PTPRD: variants seen among roughly 807,000 people sequenced by gnomAD.
The protein encoded by PTPRD is protein tyrosine phosphatase receptor type D, also known as receptor-type tyrosine-protein phosphatase delta.
A neutral mutation model predicts 214.5 loss-of-function variants in PTPRD; 34 were observed. The observed-to-expected ratio is 0.16, with a 90% CI of 0.12 to 0.21. PTPRD has a LOEUF of 0.21. Ranked by LOEUF, PTPRD falls within the 10% of genes least tolerant of loss-of-function variation. PTPRD has a pLI of 1.00. For synonymous variants in PTPRD, 1,128 were observed against 845.7 expected (o/e 1.33, Z -5.79); for missense variants, 2,545 against 2,398.7 (o/e 1.06, Z -1.27).
intron 44 of PTPRD, among the ~76,000 whole-genome samples, chr9:8,324,621 T>A (rs1275305957): frequency 6.6e-6 from 1 of 152,184 alleles, no homozygotes; most frequent in African/African-American, 2.4e-5. Context: ...CACTCAGTAA[T>A]GGGATTGCTG....
chr9:9,867,132 G>A (rs928212948), intron 5 of PTPRD, among the ~76,000 whole-genome samples: 1 of 152,120 alleles, frequency 6.6e-6, no homozygotes, highest in Admixed American at 6.6e-5. Context: ...CGGAAAAGGA[G>A]TCAATATTAT....
intron 5 of PTPRD, among the ~76,000 whole-genome samples, chr9:9,925,351 G>T (rs1436811238): frequency 2.0e-5 from 3 of 152,030 alleles, no homozygotes; most frequent in Non-Finnish European, 1.5e-5. Flanking sequence ...TATAGTCAAA[G>T]TTGAGTTTTT....
At chr9:9,020,500 A>G (rs2099562830) in intron 10 of PTPRD, among the ~76,000 whole-genome samples, 1 of 152,186 alleles carries the variant, frequency 6.6e-6, no homozygotes, top group Admixed American at 6.6e-5. Flanking sequence ...TGGTTGAGGC[A>G]TTGAATGTGA....
At chr9:10,019,139 A>C (rs1224874409) in intron 4 of PTPRD, among the ~76,000 whole-genome samples, 1 of 152,190 alleles carries the variant, frequency 6.6e-6, no homozygotes, top group African/African-American at 2.4e-5. Context: ...CACTTCTCAA[A>C]AGAAGACATT....
chr9:9,191,654 G>C (rs1253680027), intron 9 of PTPRD, among the ~76,000 whole-genome samples: 3 of 152,042 alleles, frequency 2.0e-5, no homozygotes, highest in East Asian at 1.9e-4. Context: ...GAAGTTGAAA[G>C]CAATGCTGTA....
intron 7 of PTPRD, among the ~76,000 whole-genome samples, chr9:9,669,528 T>C (rs546986336): frequency 7.2e-5 from 11 of 152,278 alleles, no homozygotes; most frequent in African/African-American, 2.6e-4. Context: ...ATTTTGAAAA[T>C]TGATACTTCT....
intron 5 of PTPRD, among the ~76,000 whole-genome samples, chr9:9,811,527 G>T (rs1422304714): frequency 7.2e-5 from 11 of 152,060 alleles, no homozygotes; most frequent in South Asian, 6.2e-4. Context: ...CTGACACGGT[G>T]AAGCCCCATC....
intron 10 of PTPRD, among the ~76,000 whole-genome samples, chr9:9,101,429 T>A (rs1482553218): frequency 6.6e-6 from 1 of 152,178 alleles, no homozygotes; most frequent in African/African-American, 2.4e-5. Context: ...ACGATTAGCA[T>A]CCTCACCTCC....
intron 8 of PTPRD, among the ~76,000 whole-genome samples, chr9:9,454,948 C>G (rs945206805): frequency 1.3e-5 from 2 of 151,292 alleles, no homozygotes; most frequent in African/African-American, 4.8e-5. Flanking sequence ...AATCATGGCC[C>G]AAGTGAGAAA....
At chr9:10,552,228 C>T (rs1253063704) in intron 2 of PTPRD, among the ~76,000 whole-genome samples, 1 of 151,300 alleles carries the variant, frequency 6.6e-6, no homozygotes, top group African/African-American at 2.4e-5. Flanking sequence ...GGCCATTCGA[C>T]ACTAATAGAA....
chr9:8,331,318 T>C (rs867559718), intron 44 of PTPRD, among the ~76,000 whole-genome samples: 9 of 152,154 alleles, frequency 5.9e-5, no homozygotes, highest in African/African-American at 1.7e-4. Context: ...CAATTCCCAT[T>C]AAGGTAAAAT....
intron 4 of PTPRD, among the ~76,000 whole-genome samples, chr9:9,955,845 T>A (rs1272453393): frequency 6.6e-6 from 1 of 152,144 alleles, no homozygotes; most frequent in Non-Finnish European, 1.5e-5. Flanking sequence ...AAGAAAATAA[T>A]CATACTGCTT....
At chr9:8,607,568 G>A (rs761291481) in intron 14 of PTPRD, among the ~76,000 whole-genome samples, 10 of 152,114 alleles carry the variant, frequency 6.6e-5, no homozygotes, top group African/African-American at 2.2e-4. Flanking sequence ...GCTTGAGCCC[G>A]GGAGGGAGAA....
intron 39 of PTPRD, among the ~76,000 whole-genome samples, chr9:8,370,518 A>C (rs940090058): frequency 1.3e-5 from 2 of 152,256 alleles, no homozygotes; most frequent in South Asian, 2.1e-4. Context: ...AATACTTGGA[A>C]AACAGTAATG....
chr9:8,934,520 A>ATAAAAAT (rs2098982871), intron 11 of PTPRD, among the ~76,000 whole-genome samples: 1 of 17,076 alleles, frequency 5.9e-5, no homozygotes, highest in Non-Finnish European at 1.1e-4. Context: ...TATATATATA[A>ATAAAAAT]ATATATATAT....
chr9:10,456,990 C>A (rs1403483182), intron 2 of PTPRD, among the ~76,000 whole-genome samples: 1 of 151,864 alleles, frequency 6.6e-6, no homozygotes, highest in Non-Finnish European at 1.5e-5. Flanking sequence ...TTCAGAATTA[C>A]TTATAAAAGC....
At chr9:9,398,148 G>A (rs1365226447) in intron 8 of PTPRD, among the ~76,000 whole-genome samples, 1 of 150,464 alleles carries the variant, frequency 6.6e-6, no homozygotes, top group African/African-American at 2.5e-5. Context: ...CCATACTTCG[G>A]TTTACTTCAT....
At chr9:9,373,580 T>A (rs2060074866) in intron 9 of PTPRD, among the ~76,000 whole-genome samples, 2 of 152,110 alleles carry the variant, frequency 1.3e-5, no homozygotes, top group South Asian at 4.1e-4. Flanking sequence ...TTGGTGACTG[T>A]CAGCATTCCT....
At chr9:10,578,836 T>G (rs556132637) in intron 2 of PTPRD, among the ~76,000 whole-genome samples, 25 of 152,288 alleles carry the variant, frequency 1.6e-4, no homozygotes, top group South Asian at 6.2e-4. Flanking sequence ...GTCATCCAGG[T>G]GGTGAGTATA....
Sources: gnomAD v4.1 joint callset for allele counts (sites outside exome capture counted in the v4.1 genomes callset) on GRCh38, gnomAD v4.1.1 for gene constraint, MANE v1.5 for transcripts, NCBI Gene and HGNC (gene_info 2026-07-23, HGNC 2026-07-21) for gene names.